The following CEP126 variants were observed in gnomAD, a reference collection of about 807,000 sequenced individuals.
CEP126 encodes centrosomal protein 126, also known as centrosomal protein of 126 kDa.
In CEP126, 74 loss-of-function variants were observed where a neutral mutation model predicts 107.8. The observed-to-expected ratio is 0.69, with a 90% CI of 0.57 to 0.83. The LOEUF is 0.83. Among genes scored for constraint, CEP126 ranks in the 40% least tolerant of loss-of-function variants. The pLI is 0.00. For missense variants in CEP126, 1,237 were observed against 1,281.9 expected, an observed-to-expected ratio of 0.96 and a Z score of 0.53; for synonymous variants, 449 against 446.0, an observed-to-expected ratio of 1.01 and a Z score of -0.08.
Position 101,915,207 on chromosome 11 carries a change from G to A in CEP126, c.-78G>A, listed in dbSNP as rs903507591. ...GAGAGACGGAGTGTAGGGAGGGGCCGAGCAGGAGGAGGAGGAAGCCGGAGC... is the reference window on the plus strand; with the variant it reads ...GAGAGACGGAGTGTAGGGAGGGGCCAAGCAGGAGGAGGAGGAAGCCGGAGC... On this transcript the variant is annotated 5_prime_UTR_variant, in exon 1 of 11. Coordinates refer to ENST00000263468, the MANE Select transcript of CEP126 (RefSeq NM_020802.4). 3.1e-6 allele frequency: 5 copies of A among 1,587,384 alleles called. No individual in the cohort carries two copies. The highest frequency in any genetic ancestry group is 3.4e-6 in the Non-Finnish European group (4 of 1,165,614).
chr11:101,966,259 T>G (rs561704320), intron 6 of CEP126, among the ~76,000 whole-genome samples: 8 of 152,240 alleles, frequency 5.3e-5, no homozygotes, highest in Non-Finnish European at 1.0e-4. Context: ...GTATGTTCAG[T>G]CATTTAAGCT....
At chr11:101,923,982 TTTA>T (rs1238724803) in intron 2 of CEP126, among the ~76,000 whole-genome samples, 6 of 152,298 alleles carry the variant, frequency 3.9e-5, no homozygotes, top group South Asian at 2.1e-4. Flanking sequence ...CTTCTTATTT[TTTA>T]TTATTAATGT....
intron 7 of CEP126, 39 bp downstream of exon 7, chr11:101,978,498 A>G: frequency 7.4e-7 from 1 of 1,352,138 alleles, no homozygotes; most frequent in Non-Finnish European, 1.1e-6. Context: ...TTCAATATTT[A>G]AAAATTGCTT....
chr11:101,980,547 C>T (rs1941243481), intron 7 of CEP126, among the ~76,000 whole-genome samples: 1 of 152,126 alleles, frequency 6.6e-6, no homozygotes, highest in African/African-American at 2.4e-5. Flanking sequence ...AGATCTTCAC[C>T]CATCCACTTA....
chr11:101,987,857 A>G (rs983128849), intron 9 of CEP126, among the ~76,000 whole-genome samples: 2 of 152,198 alleles, frequency 1.3e-5, no homozygotes, highest in Non-Finnish European at 2.9e-5. Context: ...CCAAACTGGT[A>G]GTATTCCAAA....
In CEP126 at chr11:101,961,228, T is replaced by C. The variant is rs1047132123; in HGVS notation, c.706-513T>C. ...CACAGTTCTTTATGTGATTTTAACA[T>C]GTAGCCAGAGTTAACAGCCTTACTA... On this transcript the variant is annotated intron_variant, in intron 5 of 10. Transcript: ENST00000263468. Among the ~76,000 whole-genome samples the C allele has an allele frequency of 8.5e-5, 13 of 152,246 alleles. No homozygotes were observed. The East Asian group carries it at 2.3e-3, about 27-fold the overall frequency.
chr11:101,935,028 G>T (rs1012208868), intron 2 of CEP126, among the ~76,000 whole-genome samples: 1 of 152,012 alleles, frequency 6.6e-6, no homozygotes, highest in Non-Finnish European at 1.5e-5. Flanking sequence ...CATTGTGCAT[G>T]TGAGTCCCAG....
chr11:101,986,864 G>T lies in CEP126; in HGVS notation c.3067G>T (p.Glu1023Ter), dbSNP rs759858774. Residue 1023 changes from glutamate (E) to a stop codon, truncating the protein, a stop_gained, in exon 9 of 11, where the codon GAA becomes TAA. Transcript: ENST00000263468. LOFTEE classifies it high-confidence loss of function. Reference sequence around the variant, plus strand: ...TAGTACTTCTGAGTTTTTGATGGCTGAAAACTTAGTGAAAGCATCAGTGCC... The same window carrying T: ...TAGTACTTCTGAGTTTTTGATGGCTTAAAACTTAGTGAAAGCATCAGTGCC... ...SDSTSEFLMAENLVKASVPED... is the reference protein window; with the variant it reads ...SDSTSEFLMA The T allele has an allele frequency of 1.9e-6, 3 of 1,613,838 alleles. No homozygotes were observed. Among genetic ancestry groups the T allele is most frequent in the Non-Finnish European group, 2.5e-6 (3 of 1,179,850 alleles).
intron 1 of CEP126, among the ~76,000 whole-genome samples, chr11:101,918,497 A>G (rs1940271348): frequency 6.6e-6 from 1 of 152,140 alleles, no homozygotes; most frequent in Non-Finnish European, 1.5e-5. Context: ...AATAAAACAT[A>G]GTTTTGTACC....
chr11:101,979,274 A>G (rs1941228648), intron 7 of CEP126, among the ~76,000 whole-genome samples: 1 of 152,178 alleles, frequency 6.6e-6, no homozygotes, highest in African/African-American at 2.4e-5. Context: ...GGAAATTGAT[A>G]ATGATGTTGT....
At chr11:101,955,967 C>T (rs1056806257) in intron 4 of CEP126, 7 of 456,374 alleles carry the variant, frequency 1.5e-5, no homozygotes, top group Non-Finnish European at 3.1e-5. Context: ...ACCCTCTACT[C>T]TTCCAAAGAC....
chr11:101,921,182 G>GT (rs1426591880), intron 1 of CEP126, among the ~76,000 whole-genome samples: 1 of 151,988 alleles, frequency 6.6e-6, no homozygotes, highest in Non-Finnish European at 1.5e-5. Flanking sequence ...TTTCCTAGTG[G>GT]TTTTTTATAA....
intron 4 of CEP126, among the ~76,000 whole-genome samples, chr11:101,949,368 G>A (rs1382596177): frequency 6.6e-6 from 1 of 152,162 alleles, no homozygotes; most frequent in East Asian, 1.9e-4. Context: ...GTGAACAATT[G>A]TGGATAATGG....
At chr11:101,975,700 T>C (rs1235052073) in intron 6 of CEP126, among the ~76,000 whole-genome samples, 1 of 152,240 alleles carries the variant, frequency 6.6e-6, no homozygotes, top group Non-Finnish European at 1.5e-5. Context: ...GTAAGCATAG[T>C]ACCTGGTAGG....
intron 6 of CEP126, among the ~76,000 whole-genome samples, chr11:101,977,786 T>C (rs1250582491): frequency 6.6e-6 from 1 of 152,226 alleles, no homozygotes; most frequent in African/African-American, 2.4e-5. Context: ...TAAGATACTA[T>C]AAGATACGCA....
intron 2 of CEP126, among the ~76,000 whole-genome samples, chr11:101,943,975 C>G (rs184068976): frequency 6.6e-6 from 1 of 152,006 alleles, no homozygotes; most frequent in African/African-American, 2.4e-5. Context: ...AGGCTTTTTC[C>G]ACAGCACAGT....
intron 2 of CEP126, among the ~76,000 whole-genome samples, chr11:101,926,115 G>A (rs1940405610): frequency 6.6e-6 from 1 of 152,032 alleles, no homozygotes; most frequent in Non-Finnish European, 1.5e-5. Flanking sequence ...CATGATTTCT[G>A]TCCTCAGATT....
At chr11:101,970,460 C>G (rs1390005856) in intron 6 of CEP126, among the ~76,000 whole-genome samples, 1 of 151,718 alleles carries the variant, frequency 6.6e-6, no homozygotes, top group Non-Finnish European at 1.5e-5. Context: ...TATTCAGTTT[C>G]TTGACATGAG....
At position 101,988,778 on chromosome 11, in the gene CEP126, G is replaced by GTATATA. The variant is rs34433049; in HGVS notation, c.3244+1749_3244+1754dup. On this transcript the variant is annotated intron_variant, in intron 9 of 10. Transcript: ENST00000263468. ...TTGTTAACAGCAAATATATGTATAT[G>GTATATA]TATATATATATATATATGTCACTTT... is the stretch of plus-strand genomic sequence containing the variant. Among the ~76,000 whole-genome samples, 1,230 of 148,950 alleles carry GTATATA rather than the reference G, an allele frequency of 8.3e-3. 57 individuals are homozygous for GTATATA. In the East Asian group the frequency reaches 0.14, roughly 17 times the overall value.
Sources: allele counts gnomAD v4.1 joint callset (sites outside exome capture counted in the v4.1 genomes callset), GRCh38; gene constraint gnomAD v4.1.1; transcripts MANE v1.5; gene names NCBI Gene and HGNC (gene_info 2026-07-23, HGNC 2026-07-21).